Variants in MYO16 observed in about 807,000 individuals in gnomAD.
The protein encoded by MYO16 is unconventional myosin-XVI.
A neutral mutation model predicts 205.3 loss-of-function variants in MYO16; 94 were observed. That is an observed-to-expected ratio of 0.46 (90% CI 0.39 to 0.54). The LOEUF (loss-of-function observed/expected upper bound fraction) is 0.54, where lower values mean the gene tolerates loss of function less well. Among genes scored for constraint, MYO16 ranks in the 20% least tolerant of loss-of-function variants. MYO16 has a pLI of 0.00. For missense variants in MYO16, 2,315 were observed against 2,387.5 expected, an observed-to-expected ratio of 0.97 and a Z score of 0.63; for synonymous variants, 988 against 954.0, an observed-to-expected ratio of 1.04 and a Z score of -0.66.
intron 2 of MYO16, among the ~76,000 whole-genome samples, chr13:108,702,390 A>G (rs776775489): frequency 6.6e-6 from 1 of 152,220 alleles, no homozygotes; most frequent in Non-Finnish European, 1.5e-5. Context: ...AATGCAGAAA[A>G]TGACAAATTC....
At chr13:108,855,190 G>A (rs1878102186) in intron 10 of MYO16, 2 of 345,734 alleles carry the variant, frequency 5.8e-6, no homozygotes, top group East Asian at 4.2e-5. Context: ...CTAATGCCTG[G>A]GCTAACAGAC....
chr13:109,196,550 T>G (rs191774290), intron 34 of MYO16, among the ~76,000 whole-genome samples: 1 of 152,268 alleles, frequency 6.6e-6, no homozygotes, highest in African/African-American at 2.4e-5. Context: ...TGACTTAGCT[T>G]TTACCTTACA....
intron 27 of MYO16, among the ~76,000 whole-genome samples, chr13:109,057,135 A>T (rs1887439888): frequency 6.6e-6 from 1 of 152,212 alleles, no homozygotes; most frequent in Non-Finnish European, 1.5e-5. Flanking sequence ...CGATGACTAA[A>T]ATTCTGTGTT....
intron 11 of MYO16, among the ~76,000 whole-genome samples, chr13:108,863,698 T>C (rs2139119947): frequency 6.6e-6 from 1 of 152,254 alleles, no homozygotes; most frequent in South Asian, 2.1e-4. Context: ...TTGTGTGTTG[T>C]TCTTAAAATG....
upstream of MYO16, among the ~76,000 whole-genome samples, chr13:108,626,382 C>T (rs534351301): frequency 8.5e-5 from 13 of 152,292 alleles, no homozygotes; most frequent in Admixed American, 5.2e-4. Context: ...AAACAATACC[C>T]TCTTTCGAAC....
chr13:108,529,122 C>T, the MYO16 span, among the ~76,000 whole-genome samples: 15 of 152,184 alleles, frequency 9.9e-5, no homozygotes, highest in African/African-American at 3.6e-4. Flanking sequence ...CTTCCAAACA[C>T]CAGTACTAAC....
intron 2 of MYO16, among the ~76,000 whole-genome samples, chr13:108,682,474 G>A (rs1417814508): frequency 6.6e-6 from 1 of 151,794 alleles, no homozygotes; most frequent in Non-Finnish European, 1.5e-5. Flanking sequence ...TCAGAGCCGC[G>A]GGCACACAGG....
In MYO16 at chr13:108,810,752, T is replaced by C. The variant is rs149679216; in HGVS notation, c.867+3948T>C. Reference sequence around the variant, plus strand: ...AATGTGAACATTTTAGAGAGACTAATGGCATTTTTAGAGACATTCACAGTA... The same window carrying C: ...AATGTGAACATTTTAGAGAGACTAACGGCATTTTTAGAGACATTCACAGTA... On this transcript the variant is annotated intron_variant, in intron 7 of 34. Transcript: ENST00000457511. Among the ~76,000 whole-genome samples the C allele has an allele frequency of 3.9e-5, 6 of 152,278 alleles. No individual in the cohort carries two copies. In the East Asian group the frequency reaches 9.7e-4, roughly 25 times the overall value.
chr13:109,054,305 G>T, intron 25 of MYO16: 1 of 404,438 alleles, frequency 2.5e-6, no homozygotes, highest in East Asian at 7.7e-5. Context: ...ATTTTTTACA[G>T]ATAGGTAATT....
intron 2 of MYO16, among the ~76,000 whole-genome samples, chr13:108,673,761 T>C (rs74517324): frequency 6.6e-6 from 1 of 152,134 alleles, no homozygotes; most frequent in African/African-American, 2.4e-5. Context: ...GAGACTTTTT[T>C]CCTGAGTTCC....
chr13:109,127,859 T>TAAAAAAAAAAAAAAAAAAAAAAAAAAAA lies in MYO16; in HGVS notation c.4051+328_4051+329insAAAAAAAAAAAAAAAAAAAAAAAAAAAA, dbSNP rs34317737. On this transcript the variant is annotated intron_variant, in intron 31 of 34. Transcript: ENST00000457511. The surrounding 1 kb of genome is among the most constrained non-coding windows in gnomAD (Gnocchi z 4.2). ...ATGTAAAGGTTCACCAATGAGAAAGTAAAAAAAAAAAAAAAAAAACTGCTT... is the reference window on the plus strand; with the variant it reads ...ATGTAAAGGTTCACCAATGAGAAAGTAAAAAAAAAAAAAAAAAAAAAAAAAAAAAAAAAAAAAAAAAAAAAAACTGCTT... Among the ~76,000 whole-genome samples, 1 of 132,660 alleles carries TAAAAAAAAAAAAAAAAAAAAAAAAAAAA rather than the reference T, an allele frequency of 7.5e-6. No homozygotes were observed. The highest frequency in any genetic ancestry group is 2.8e-5 in the African/African-American group (1 of 35,380). 87.0% of individuals were successfully genotyped at this position (132,660 alleles called of 152,430 possible). A position where few individuals can be genotyped will look rare whatever the true frequency, so the allele number is the denominator to read the frequency against.
At chr13:108,889,761 C>A (rs1880074115) in intron 14 of MYO16, among the ~76,000 whole-genome samples, 5 of 152,162 alleles carry the variant, frequency 3.3e-5, no homozygotes, top group Admixed American at 3.3e-4. Context: ...ATGATCATGA[C>A]TCAGTGCCAT....
the MYO16 span, among the ~76,000 whole-genome samples, chr13:108,575,570 C>A: frequency 6.6e-6 from 1 of 152,108 alleles, no homozygotes; most frequent in African/African-American, 2.4e-5. Context: ...AGGCACAGAC[C>A]CATAGCACAC....
intron 2 of MYO16, among the ~76,000 whole-genome samples, chr13:108,678,356 T>C (rs2139461881): frequency 6.6e-6 from 1 of 152,256 alleles, no homozygotes; most frequent in South Asian, 2.1e-4. Flanking sequence ...AACAGAATCA[T>C]ATTCACAGAA....
chr13:108,844,411 C>T lies in MYO16; in HGVS notation c.1166C>T (p.Ala389Val). ...LLEKDIMFKD[A>V]TKGLCKQQSQ... ...GAAAAAGACATTATGTTCAAAGATGCAACAAAAGGTCTGTGTAAGCAGCAG... is the reference window on the plus strand; with the variant it reads ...GAAAAAGACATTATGTTCAAAGATGTAACAAAAGGTCTGTGTAAGCAGCAG... Residue 389 changes from alanine (A) to valine (V), a missense_variant, in exon 10 of 35, where the codon GCA (alanine) becomes GTA (valine). Physicochemically the swap from Ala to Val is moderately conservative, Grantham distance 64. Transcript: ENST00000457511. 1 of 1,613,246 alleles carries T rather than the reference C, an allele frequency of 6.2e-7. No homozygotes were observed. The highest frequency in any genetic ancestry group is 8.5e-7 in the Non-Finnish European group (1 of 1,179,392).
chr13:109,127,275 C>G lies in MYO16; in HGVS notation c.3783-7C>G, dbSNP rs779960439. On this transcript the variant is annotated splice_region_variant and splice_polypyrimidine_tract_variant and intron_variant, in intron 30 of 34. Transcript: ENST00000457511. The surrounding 1 kb of genome is among the most constrained non-coding windows in gnomAD (Gnocchi z 4.2). ...GTGGTGCTGTTTGTGTTTTGTTTCC[C>G]CCTAAGAACCGATGACAAGAGTGGA... is the stretch of plus-strand genomic sequence containing the variant. The G allele has an allele frequency of 6.4e-7, 1 of 1,562,980 alleles. No individual in the cohort carries two copies. The highest frequency in any genetic ancestry group is 8.7e-7 in the Non-Finnish European group (1 of 1,149,630).
chr13:109,195,821 A>AT (rs1177094394), intron 34 of MYO16, among the ~76,000 whole-genome samples: 1 of 152,178 alleles, frequency 6.6e-6, no homozygotes, highest in Admixed American at 6.5e-5. Flanking sequence ...TCGGTAGCAA[A>AT]TTATTAATTT....
At chr13:108,893,976 A>G (rs1880293284) in intron 14 of MYO16, among the ~76,000 whole-genome samples, 1 of 152,150 alleles carries the variant, frequency 6.6e-6, no homozygotes. Flanking sequence ...TGAGACTAGG[A>G]AATTTATTTT....
intron 31 of MYO16, among the ~76,000 whole-genome samples, chr13:109,138,670 T>C (rs1489470014): frequency 6.6e-6 from 1 of 152,102 alleles, no homozygotes; most frequent in Non-Finnish European, 1.5e-5. Context: ...CTGTTGAGTA[T>C]GTGTTTTTGT....
Sources: allele counts gnomAD v4.1 joint callset (sites outside exome capture counted in the v4.1 genomes callset), GRCh38; gene constraint gnomAD v4.1.1; non-coding constraint Gnocchi (gnomAD v3.1); transcripts MANE v1.5; gene names NCBI Gene and HGNC (gene_info 2026-07-23, HGNC 2026-07-21).